GARRE1: variants seen among roughly 807,000 people sequenced by gnomAD.
GARRE1 encodes the protein granule associated Rac and RHOG effector 1.
A neutral mutation model predicts 103.2 loss-of-function variants in GARRE1; 49 were observed. The observed-to-expected ratio is 0.47, with a 90% CI of 0.38 to 0.60. GARRE1 has a LOEUF of 0.60. Among genes scored for constraint, GARRE1 ranks in the 20% least tolerant of loss-of-function variants. GARRE1 has a pLI of 0.00. For missense variants in GARRE1, 1,199 were observed against 1,370.5 expected (o/e 0.87, Z 1.98); for synonymous variants, 505 against 532.8 (o/e 0.95, Z 0.72).
intron 13 of GARRE1, 35 bp from the exon 14 acceptor site, chr19:34,352,612 C>G (rs10419442): frequency 1.3e-6 from 2 of 1,567,970 alleles, no homozygotes; most frequent in Non-Finnish European, 1.7e-6. Context: ...ATACATTGCC[C>G]GAAATGCCAC....
intron 8 of GARRE1, among the ~76,000 whole-genome samples, chr19:34,337,457 G>A (rs1265485191): frequency 6.6e-6 from 1 of 152,172 alleles, no homozygotes; most frequent in Non-Finnish European, 1.5e-5. Flanking sequence ...TGTGACATTG[G>A]ATTTGAGAGG....
At chr19:34,302,024 C>T (rs2073982178) in intron 2 of GARRE1, among the ~76,000 whole-genome samples, 1 of 93,858 alleles carries the variant, frequency 1.1e-5, no homozygotes, top group South Asian at 4.0e-4. Flanking sequence ...CAGTTTCGCT[C>T]TTGTTGCCCA....
At position 34,341,939 on chromosome 19, in the gene GARRE1, A is replaced by C. The variant is rs1418218217; in HGVS notation, c.2005A>C (p.Thr669Pro). Residue 669 changes from threonine to proline, a missense_variant, in exon 10 of 14, where the codon ACA becomes CCA. Transcript: ENST00000299505. ...GQSHQGSPLV[T>P]RHNSAATAMV... ...GTCACATCAGGGCTCTCCGTTGGTG[A>C]CAAGGCATAATTCTGCTGCCACAGC... 1 of 1,614,184 alleles carries C rather than the reference A, an allele frequency of 6.2e-7. No individual in the cohort carries two copies. The highest frequency in any genetic ancestry group is 8.5e-7 in the Non-Finnish European group (1 of 1,180,034).
rs71165639 is a variant in GARRE1, at chr19:34,257,160, C to CTT, written c.-796+2559_-796+2560dup. ...TTTGGAAGACCATGTTTTAAGCATC[C>CTT]TTTTTTTTTTTTTTAAGCAAATTGC... On this transcript the variant is annotated intron_variant, in intron 1 of 13. Transcript: ENST00000299505. 5.7e-3 allele frequency among the ~76,000 whole-genome samples: 854 copies of CTT among 149,966 alleles called. 13 individuals carry two copies. The highest frequency in any genetic ancestry group is 5.9e-3 in the Non-Finnish European group (400 of 67,440).
chr19:34,297,754 G>GA lies in GARRE1; in HGVS notation c.-795-1923dup, dbSNP rs2073954997. The stretch of plus-strand genomic sequence containing the variant: ...TAGATGTGATTGCCTTATTTGTCAT[G>GA]AATTTGAAAAAAGAAAACATTTTGG... On this transcript the variant is annotated intron_variant, in intron 1 of 13. Coordinates refer to ENST00000299505, the MANE Select transcript of GARRE1 (RefSeq NM_014686.5). Among the ~76,000 whole-genome samples, 3 of 152,228 alleles carry GA rather than the reference G, an allele frequency of 2.0e-5. No individual in the cohort carries two copies. In the South Asian group the frequency reaches 6.2e-4, roughly 32 times the overall value.
At chr19:34,295,542 GTTTTC>G (rs951802036) in intron 1 of GARRE1, among the ~76,000 whole-genome samples, 1 of 151,352 alleles carries the variant, frequency 6.6e-6, no homozygotes, top group African/African-American at 2.4e-5. Flanking sequence ...GTTTTGTTTT[GTTTTC>G]GAGACAGGGT....
chr19:34,296,163 T>TC, intron 1 of GARRE1: 1 of 381,158 alleles, frequency 2.6e-6, no homozygotes, highest in African/African-American at 2.1e-5. Context: ...TTTTTTTTTT[T>TC]CTTGCGTCAG....
Position 34,261,014 on chromosome 19 carries a change from G to A in GARRE1, c.-796+6400G>A, listed in dbSNP as rs528451817. Among the ~76,000 whole-genome samples the A allele has an allele frequency of 2.0e-3, 306 of 152,292 alleles. 1 individual carries two copies. Among genetic ancestry groups the A allele is most frequent in the Non-Finnish European group, 3.6e-3 (244 of 68,028 alleles). On this transcript the variant is annotated intron_variant, in intron 1 of 13. Coordinates refer to ENST00000299505, the MANE Select transcript of GARRE1 (RefSeq NM_014686.5). ...GGCCTGACCAGAGGAGCAGTGCAGC[G>A]TTCCCTCCACAAAGCCATCTGCACT...
intron 1 of GARRE1, among the ~76,000 whole-genome samples, chr19:34,258,157 G>A (rs1451799822): frequency 6.6e-6 from 1 of 152,052 alleles, no homozygotes; most frequent in African/African-American, 2.4e-5. Context: ...GAGACACCAC[G>A]CTTGGCCTTG....
intron 1 of GARRE1, among the ~76,000 whole-genome samples, chr19:34,299,401 G>T (rs1211331749): frequency 6.6e-6 from 1 of 152,148 alleles, no homozygotes; most frequent in African/African-American, 2.4e-5. Context: ...AATGCTGAAC[G>T]TGGATCCAGG....
intron 1 of GARRE1, chr19:34,265,426 T>G (rs2073746017): frequency 6.6e-6 from 1 of 152,240 alleles, no homozygotes; most frequent in Admixed American, 6.5e-5. Context: ...CTTTGTAATG[T>G]ACTTTGTAAT....
chr19:34,351,777 A>G (rs1033686398), intron 13 of GARRE1, among the ~76,000 whole-genome samples, 185 bp downstream of exon 13: 1 of 152,244 alleles, frequency 6.6e-6, no homozygotes. Context: ...ATAGCCATTC[A>G]CCACATGTGG....
chr19:34,283,294 AAGTT>A (rs1261912355), intron 1 of GARRE1, among the ~76,000 whole-genome samples: 1 of 152,168 alleles, frequency 6.6e-6, no homozygotes, highest in African/African-American at 2.4e-5. Context: ...ATGTAAGTAG[AAGTT>A]AGTTATCAAT....
intron 2 of GARRE1, among the ~76,000 whole-genome samples, chr19:34,303,073 CT>C (rs1429282022): frequency 6.6e-5 from 10 of 152,212 alleles, no homozygotes; most frequent in Non-Finnish European, 1.5e-4. Context: ...AAATATTATT[CT>C]TTTAGGGCTC....
Position 34,353,899 on chromosome 19 carries a change from T to C in GARRE1, c.*944T>C, listed in dbSNP as rs916416446. The C allele has an allele frequency of 6.6e-6, 1 of 152,570 alleles. No individual in the cohort carries two copies. The highest frequency in any genetic ancestry group is 1.5e-5 in the Non-Finnish European group (1 of 68,040). The allele number at this position is 152,570 out of a possible 1,614,324, so 9.5% of individuals were successfully genotyped here. On this transcript the variant is annotated 3_prime_UTR_variant, in exon 14 of 14. Transcript: ENST00000299505. ...GAAGACAAACCAATTAAGATGTAGA[T>C]AGAAATTAATTTAAGGTCTTTTCTT... is the stretch of plus-strand genomic sequence containing the variant.
At chr19:34,332,451 TAA>T (rs75968700) in intron 7 of GARRE1, among the ~76,000 whole-genome samples, 6 of 143,104 alleles carry the variant, frequency 4.2e-5, no homozygotes, top group African/African-American at 7.7e-5. Context: ...CACTGTAGAT[TAA>T]AAAAAAAAAA....
At chr19:34,255,097 G>A (rs2073663123) in intron 1 of GARRE1, among the ~76,000 whole-genome samples, 1 of 152,066 alleles carries the variant, frequency 6.6e-6, no homozygotes, top group South Asian at 2.1e-4. Context: ...TGCCGGGCGG[G>A]CTGCGCGCAC....
At position 34,330,138 on chromosome 19, in the gene GARRE1, C is replaced by T. The variant is rs748159189; in HGVS notation, c.1105-51C>T. 3.3e-6 allele frequency: 5 copies of T among 1,521,952 alleles called. No homozygotes were observed. In the Admixed American group the frequency reaches 5.5e-5, roughly 17 times the overall value. The allele number at this position is 1,521,952 out of a possible 1,614,324, so 94.3% of individuals were successfully genotyped here. On this transcript the variant is annotated intron_variant, in intron 6 of 13. Transcript: ENST00000299505. ...AAATGCATTTTTACAAATTTTAGAA[C>T]CTTGCATGGCTTTGTCTTGAGGTGT...
At position 34,352,838 on chromosome 19, in the gene GARRE1, C is replaced by T; in HGVS notation, c.3096C>T (p.Ser1032=). 1 of 1,608,846 alleles carries T rather than the reference C, an allele frequency of 6.2e-7. No individual in the cohort carries two copies. The highest frequency in any genetic ancestry group is 8.5e-7 in the Non-Finnish European group (1 of 1,177,590). ...ATNDCSAAAF[S]YVQTPPQPPP... ...ACGACTGCAGTGCCGCTGCCTTCTC[C>T]TATGTGCAGACCCCACCCCAGCCCC... The change falls in exon 14 of 14, where the codon TCC becomes TCT. Residue 1032 remains serine (S), a synonymous_variant. Coordinates refer to ENST00000299505, the MANE Select transcript of GARRE1 (RefSeq NM_014686.5).
Sources: allele counts gnomAD v4.1 joint callset (sites outside exome capture counted in the v4.1 genomes callset), GRCh38; gene constraint gnomAD v4.1.1; transcripts MANE v1.5; gene names NCBI Gene and HGNC (gene_info 2026-07-23, HGNC 2026-07-21).